The following SAP30BP variants were observed in gnomAD, a reference collection of about 807,000 sequenced individuals.
SAP30BP encodes SAP30-binding protein.
A neutral mutation model predicts 46.3 loss-of-function variants in SAP30BP; 31 were observed. That is an observed-to-expected ratio of 0.67 (90% CI 0.50 to 0.90). The LOEUF (loss-of-function observed/expected upper bound fraction) is 0.90, where lower values mean the gene tolerates loss of function less well. SAP30BP is among the 40% of genes least tolerant of loss of function. The probability of loss-of-function intolerance (pLI) is 0.00; values close to 1 mark genes in which losing one functional copy is unlikely to be tolerated. For synonymous variants in SAP30BP, 169 were observed against 144.2 expected (o/e 1.17, Z -1.23); for missense variants, 312 against 391.0 (o/e 0.80, Z 1.70).
intron 2 of SAP30BP, among the ~76,000 whole-genome samples, chr17:75,671,023 A>G (rs1568297266): frequency 1.3e-5 from 2 of 152,150 alleles, no homozygotes; most frequent in Non-Finnish European, 2.9e-5. Context: ...CTGATCTTTG[A>G]CCTTCATAGC....
intron 3 of SAP30BP, chr17:75,692,436 G>C: frequency 1.0e-6 from 1 of 985,496 alleles, no homozygotes; most frequent in Non-Finnish European, 1.2e-6. Flanking sequence ...TGCCTCTGCT[G>C]TTTTGATGAT....
intron 6 of SAP30BP, chr17:75,702,917 C>A: frequency 6.5e-6 from 2 of 305,904 alleles, no homozygotes; most frequent in Non-Finnish European, 1.2e-5. Context: ...GTTCATCTTC[C>A]AACTCTAAAA....
intron 5 of SAP30BP, among the ~76,000 whole-genome samples, chr17:75,700,583 G>T (rs2060393506): frequency 6.6e-6 from 1 of 152,180 alleles, no homozygotes; most frequent in Non-Finnish European, 1.5e-5. Flanking sequence ...CCGTGACACC[G>T]CCCTAACGGA....
At chr17:75,705,751 G>A (rs1294735641) in intron 9 of SAP30BP, 3 of 1,107,944 alleles carry the variant, frequency 2.7e-6, no homozygotes, top group Admixed American at 7.2e-5. Context: ...GCGGTGGGCG[G>A]GGGGTGCCGG....
chr17:75,703,666 G>A lies in SAP30BP; in HGVS notation c.550-142G>A, dbSNP rs1016878495. ...CCATGTTCTTCAGCACTTGCCAGCC[G>A]CCCCTTGGCTAAAGACCAAAGATGA... On this transcript the variant is annotated intron_variant, in intron 7 of 10. Coordinates refer to ENST00000584667, the MANE Select transcript of SAP30BP (RefSeq NM_013260.8). 76 of 777,286 alleles carry A rather than the reference G, an allele frequency of 9.8e-5. 2 individuals carry two copies. The Admixed American group carries it at 1.3e-3, about 14-fold the overall frequency. The allele number at this position is 777,286 out of a possible 1,614,324, so 48.1% of individuals were successfully genotyped here.
At chr17:75,675,270 C>T (rs1215558074) in intron 3 of SAP30BP, among the ~76,000 whole-genome samples, 1 of 152,134 alleles carries the variant, frequency 6.6e-6, no homozygotes. Flanking sequence ...CCTGCCTCAG[C>T]CTCCCGAGTA....
In SAP30BP at chr17:75,668,606, A is replaced by G; in HGVS notation, c.197A>G (p.Asp66Gly). Residue 66 changes from aspartate (D) to glycine (G), a missense_variant, in exon 2 of 11, where the codon GAT becomes GGT. Coordinates refer to ENST00000584667, the MANE Select transcript of SAP30BP (RefSeq NM_013260.8). ...GDEDGYEEEE[D>G]ENSRQSEDDD... ...GAAGATGGTTATGAAGAAGAAGAAG[A>G]TGAGAACAGTAGACAGTCGGTAGGT... 1 of 1,603,662 alleles carries G rather than the reference A, an allele frequency of 6.2e-7. No homozygotes were observed. The highest frequency in any genetic ancestry group is 8.5e-7 in the Non-Finnish European group (1 of 1,174,242).
intron 2 of SAP30BP, among the ~76,000 whole-genome samples, chr17:75,669,018 GTCT>G (rs1246712828): frequency 6.6e-6 from 1 of 151,448 alleles, no homozygotes; most frequent in African/African-American, 2.4e-5. Flanking sequence ...GCTCATTTAA[GTCT>G]TCTCAGTTTA....
intron 5 of SAP30BP, 98 bp from the exon 6 acceptor site, chr17:75,702,382 T>A (rs2060425668): frequency 1.8e-6 from 1 of 560,058 alleles, no homozygotes; most frequent in Admixed American, 2.7e-5. Flanking sequence ...TGGAGCCTCA[T>A]GTTCATGCTG....
At position 75,667,497 on chromosome 17, in the gene SAP30BP, G is replaced by A. The variant is rs1425523395; in HGVS notation, c.106+19G>A. 1 of 1,610,266 alleles carries A rather than the reference G, an allele frequency of 6.2e-7. No homozygotes were observed. Among genetic ancestry groups the A allele is most frequent in the Non-Finnish European group, 8.5e-7 (1 of 1,176,836 alleles). ...GCGGCTGGTAAGGCCCAAGTGCGAA[G>A]CTGGAAGGGGGAATCGGGTGTCTGC... is the stretch of plus-strand genomic sequence containing the variant. On this transcript the variant is annotated intron_variant, in intron 1 of 10. Coordinates refer to ENST00000584667, the MANE Select transcript of SAP30BP (RefSeq NM_013260.8).
At chr17:75,673,588 A>C (rs549615258) in intron 3 of SAP30BP, among the ~76,000 whole-genome samples, 1 of 152,294 alleles carries the variant, frequency 6.6e-6, no homozygotes, top group East Asian at 1.9e-4. Flanking sequence ...TTCCTGGGGA[A>C]GTTGGCTGGA....
chr17:75,679,970 G>A (rs1477995209), intron 3 of SAP30BP: 1 of 152,154 alleles, frequency 6.6e-6, no homozygotes, highest in Non-Finnish European at 1.5e-5. Flanking sequence ...GGTTTCCCTT[G>A]TTTATTTTTT....
At chr17:75,705,749 C>CA in intron 9 of SAP30BP, 1 of 836,384 alleles carries the variant, frequency 1.2e-6, no homozygotes, top group Non-Finnish European at 1.6e-6. Flanking sequence ...GGGCGGTGGG[C>CA]GGGGGGTGCC....
chr17:75,693,563 C>T (rs1168330170), intron 4 of SAP30BP, 81 bp downstream of exon 4: 1 of 1,310,166 alleles, frequency 7.6e-7, no homozygotes, highest in African/African-American at 1.5e-5. Context: ...AGGCCTGCCG[C>T]CCCACAGGGC....
At chr17:75,697,484 G>A (rs374295653) in intron 4 of SAP30BP, among the ~76,000 whole-genome samples, 2 of 152,192 alleles carry the variant, frequency 1.3e-5, no homozygotes, top group Admixed American at 6.5e-5. Context: ...AAAGGAAGGT[G>A]CTGGGCAAAG....
At chr17:75,694,071 C>T (rs927681620) in intron 4 of SAP30BP, among the ~76,000 whole-genome samples, 1 of 152,186 alleles carries the variant, frequency 6.6e-6, no homozygotes, top group Middle Eastern at 3.4e-3. Context: ...AAAGCCCGAC[C>T]GGGGGGCAGT....
intron 3 of SAP30BP, among the ~76,000 whole-genome samples, chr17:75,688,952 G>A (rs906208176): frequency 2.0e-5 from 3 of 152,132 alleles, no homozygotes; most frequent in African/African-American, 4.8e-5. Context: ...ACAGCGCCCA[G>A]TGTGCCGCAG....
chr17:75,687,917 G>GGGGGGT (rs557349211), intron 3 of SAP30BP, among the ~76,000 whole-genome samples: 3 of 120,364 alleles, frequency 2.5e-5, no homozygotes, highest in South Asian at 5.7e-4. Flanking sequence ...CAGTGTTTGG[G>GGGGGGT]GTGTGTGTGT....
intron 2 of SAP30BP, among the ~76,000 whole-genome samples, chr17:75,668,972 A>G (rs1252457115): frequency 2.6e-5 from 4 of 152,166 alleles, no homozygotes; most frequent in Non-Finnish European, 5.9e-5. Context: ...ATTTATATCT[A>G]CAGTCAACTC....
Sources: allele counts gnomAD v4.1 joint callset (sites outside exome capture counted in the v4.1 genomes callset), GRCh38; gene constraint gnomAD v4.1.1; transcripts MANE v1.5; gene names NCBI Gene and HGNC (gene_info 2026-07-23, HGNC 2026-07-21).